CTNNA3: variants seen among roughly 807,000 people sequenced by gnomAD.
CTNNA3 encodes catenin alpha-3.
CTNNA3 carries 76 observed loss-of-function variants against 95.7 expected under a neutral mutation model. The ratio of observed to expected loss-of-function variants is 0.79; its 90% CI spans 0.66 to 0.96. The LOEUF (loss-of-function observed/expected upper bound fraction) is 0.96, where lower values mean the gene tolerates loss of function less well. Among genes scored for constraint, CTNNA3 ranks in the 40% least tolerant of loss-of-function variants. The probability of loss-of-function intolerance (pLI) is 0.00; values close to 1 mark genes in which losing one functional copy is unlikely to be tolerated. For synonymous variants in CTNNA3, 431 were observed against 374.4 expected, an observed-to-expected ratio of 1.15 and a Z score of -1.74; for missense variants, 1,191 against 1,089.8, an observed-to-expected ratio of 1.09 and a Z score of -1.31.
At chr10:66,038,197 A>G (rs1893389) in intron 15 of CTNNA3, among the ~76,000 whole-genome samples, 39,317 of 152,216 alleles carry the variant, frequency 0.26, 5,205 homozygotes, top group South Asian at 0.32. Context: ...CATTATATGT[A>G]TATGAAATAT....
At chr10:66,369,418 A>G (rs577711221) in intron 12 of CTNNA3, among the ~76,000 whole-genome samples, 9 of 152,178 alleles carry the variant, frequency 5.9e-5, no homozygotes, top group African/African-American at 1.7e-4. Context: ...TGTTCTTCCA[A>G]TTGTGGCTAT....
chr10:66,932,094 C>T (rs1233220522), intron 7 of CTNNA3, among the ~76,000 whole-genome samples: 2 of 152,148 alleles, frequency 1.3e-5, no homozygotes, highest in African/African-American at 2.4e-5. Flanking sequence ...TGCTTTGCCT[C>T]AGCGCTTTCT....
chr10:67,240,056 T>C (rs1189985822), intron 5 of CTNNA3, among the ~76,000 whole-genome samples: 1 of 152,166 alleles, frequency 6.6e-6, no homozygotes, highest in East Asian at 1.9e-4. Flanking sequence ...TAGCTCAGCA[T>C]ATACTCTGCT....
intron 7 of CTNNA3, chr10:67,097,720 A>T (rs112203913): frequency 6.2e-7 from 1 of 1,612,706 alleles, no homozygotes; most frequent in Admixed American, 1.7e-5. Context: ...ATGGAAACAC[A>T]CCTAGAGACT....
intron 5 of CTNNA3, among the ~76,000 whole-genome samples, chr10:67,237,232 C>T (rs950159186): frequency 1.5e-3 from 205 of 140,400 alleles, no homozygotes; most frequent in African/African-American, 2.3e-3. Flanking sequence ...GCATTTGCAG[C>T]GACCTGGATG....
intron 5 of CTNNA3, among the ~76,000 whole-genome samples, chr10:67,511,118 AC>A: frequency 6.6e-6 from 1 of 152,314 alleles, no homozygotes; most frequent in Middle Eastern, 3.4e-3. Context: ...TTTCTAATAA[AC>A]AATCATGTCA....
At chr10:66,955,128 CT>C (rs1848721248) in intron 7 of CTNNA3, among the ~76,000 whole-genome samples, 1 of 152,086 alleles carries the variant, frequency 6.6e-6, no homozygotes. Flanking sequence ...AAGTCAGAAA[CT>C]TTTCCTAGGT....
Position 67,601,678 on chromosome 10 carries a change from C to T in CTNNA3, c.292+5179G>A, listed in dbSNP as rs568228794. ...CAACTCTTACCTAATTCCTGGGTAA[C>T]TGCTATACGAATATTCTAAAACTAT... On this transcript the variant is annotated intron_variant, in intron 3 of 17. Coordinates refer to ENST00000433211, the MANE Select transcript of CTNNA3 (RefSeq NM_013266.4). Among the ~76,000 whole-genome samples the T allele has an allele frequency of 3.9e-5, 6 of 152,300 alleles. No individual in the cohort carries two copies. The South Asian group carries it at 1.2e-3, about 32-fold the overall frequency.
chr10:67,740,144 T>C (rs1589586231), intron 1 of CTNNA3, among the ~76,000 whole-genome samples: 1 of 152,168 alleles, frequency 6.6e-6, no homozygotes, highest in African/African-American at 2.4e-5. Context: ...TTACACCTTA[T>C]ACAAAAATTA....
intron 3 of CTNNA3, among the ~76,000 whole-genome samples, chr10:67,559,640 G>A (rs1841410525): frequency 6.6e-6 from 1 of 152,164 alleles, no homozygotes; most frequent in Non-Finnish European, 1.5e-5. Context: ...GCTGGACGGA[G>A]AATGACTTTG....
chr10:67,067,203 A>G (rs1856145441), intron 7 of CTNNA3, among the ~76,000 whole-genome samples: 1 of 152,210 alleles, frequency 6.6e-6, no homozygotes, highest in Non-Finnish European at 1.5e-5. Flanking sequence ...GAAATATACC[A>G]CAGAAGTGAA....
chr10:67,167,184 T>C (rs1237357571), intron 7 of CTNNA3, among the ~76,000 whole-genome samples: 2 of 152,162 alleles, frequency 1.3e-5, no homozygotes, highest in African/African-American at 2.4e-5. Context: ...TCAGCTGAGA[T>C]TTGACACATC....
chr10:66,011,395 C>T (rs1589246789), intron 15 of CTNNA3, among the ~76,000 whole-genome samples: 1 of 152,082 alleles, frequency 6.6e-6, no homozygotes, highest in East Asian at 1.9e-4. Flanking sequence ...AAACCAGAGA[C>T]ACTTGTTACT....
chr10:67,461,667 G>A lies in CTNNA3; in HGVS notation c.579+60175C>T, dbSNP rs574440362. 2.6e-5 allele frequency among the ~76,000 whole-genome samples: 4 copies of A among 152,220 alleles called. No individual in the cohort carries two copies. The South Asian group carries it at 8.3e-4, about 32-fold the overall frequency. On this transcript the variant is annotated intron_variant, in intron 5 of 17. Coordinates refer to ENST00000433211, the MANE Select transcript of CTNNA3 (RefSeq NM_013266.4). ...AAATAAAGAAATCATAAGACATGAA[G>A]AAATCATAAAATCTCTATTCCTCTT...
intron 9 of CTNNA3, among the ~76,000 whole-genome samples, chr10:66,641,770 A>C (rs1170627623): frequency 6.6e-6 from 1 of 152,154 alleles, no homozygotes; most frequent in African/African-American, 2.4e-5. Flanking sequence ...TTGTAACTGC[A>C]TCTAGCAAAT....
intron 7 of CTNNA3, among the ~76,000 whole-genome samples, chr10:67,144,481 C>A (rs755185903): frequency 2.0e-5 from 3 of 152,212 alleles, no homozygotes; most frequent in Non-Finnish European, 4.4e-5. Context: ...CATTGAAAAT[C>A]TGTAGTTTAG....
At chr10:67,466,653 G>A (rs1424586338) in intron 5 of CTNNA3, among the ~76,000 whole-genome samples, 1 of 152,140 alleles carries the variant, frequency 6.6e-6, no homozygotes, top group Non-Finnish European at 1.5e-5. Flanking sequence ...GAGCTTCCGG[G>A]GAAATGAGGG....
At chr10:66,238,141 G>T (rs566169205) in intron 13 of CTNNA3, among the ~76,000 whole-genome samples, 136 of 152,020 alleles carry the variant, frequency 8.9e-4, no homozygotes, top group African/African-American at 3.1e-3. Flanking sequence ...TCACCCTATA[G>T]TTTTTGCTTT....
chr10:66,075,502 T>C (rs1043434376), intron 14 of CTNNA3, among the ~76,000 whole-genome samples: 2 of 151,750 alleles, frequency 1.3e-5, no homozygotes, highest in Non-Finnish European at 3.0e-5. Flanking sequence ...CATATATAAA[T>C]AATGTATATA....
Sources: allele counts gnomAD v4.1 joint callset (sites outside exome capture counted in the v4.1 genomes callset), GRCh38; gene constraint gnomAD v4.1.1; transcripts MANE v1.5; gene names NCBI Gene and HGNC (gene_info 2026-07-23, HGNC 2026-07-21).